Variants in STS observed in about 807,000 individuals in gnomAD.
The protein encoded by STS is steryl-sulfatase.
In STS, 7 loss-of-function variants were observed where a neutral mutation model predicts 26.8. The observed-to-expected ratio is 0.26, with a 90% CI of 0.15 to 0.49. STS has a LOEUF of 0.49. STS is among the 20% of genes least tolerant of loss of function. STS has a pLI of 0.98. For missense variants in STS, 434 were observed against 465.6 expected (o/e 0.93, Z 0.63); for synonymous variants, 199 against 189.4 (o/e 1.05, Z -0.42).
At chrX:7,173,995 C>G (rs1933518171) in intron 1 of STS, among the ~76,000 whole-genome samples, 1 of 111,448 alleles carries the variant, frequency 9.0e-6, no homozygotes, top group Non-Finnish European at 1.9e-5. Flanking sequence ...CAGAGTTTAG[C>G]ATTGTTCAGA....
At chrX:7,324,050 T>G (rs1927225264) in intron 8 of STS, among the ~76,000 whole-genome samples, 1 of 111,617 alleles carries the variant, frequency 9.0e-6, no homozygotes, top group African/African-American at 3.3e-5. Flanking sequence ...TAAGAATATG[T>G]ACCTAAGTTG....
At chrX:7,194,418 A>G (rs1236201227) in intron 2 of STS, among the ~76,000 whole-genome samples, 2 of 111,772 alleles carry the variant, frequency 1.8e-5, no homozygotes, top group Non-Finnish European at 3.8e-5. Context: ...CACCAGCTAC[A>G]TGACTCCTGA....
rs931206122 is a variant in STS, at chrX:7,349,979, C to T, written c.1455C>T (p.Phe485=). The T allele has an allele frequency of 3.3e-6, 4 of 1,211,698 alleles. No homozygotes were observed. Among genetic ancestry groups the T allele is most frequent in the Non-Finnish European group, 4.5e-6 (4 of 895,436 alleles). Residue 485 remains phenylalanine (F), a synonymous_variant, in exon 11 of 11, where the codon TTC becomes TTT. Coordinates refer to ENST00000674429, the MANE Select transcript of STS (RefSeq NM_001320752.2). ...GCFATHVCFC[F]GSYVTHHDPP... ...TTGCCACACACGTGTGCTTCTGTTT[C>T]GGGAGTTATGTCACCCATCACGACC...
intron 1 of STS, among the ~76,000 whole-genome samples, chrX:7,187,074 G>A (rs1205059758): frequency 8.9e-6 from 1 of 111,841 alleles, no homozygotes; most frequent in East Asian, 2.8e-4. Flanking sequence ...CCAGTTTCCA[G>A]AGACAGACTT....
At chrX:7,288,229 G>T (rs1269525020) in intron 7 of STS, among the ~76,000 whole-genome samples, 1 of 104,965 alleles carries the variant, frequency 9.5e-6, no homozygotes, top group African/African-American at 3.5e-5. Context: ...CCTTCATGAT[G>T]TCTGGGGCTT....
chrX:7,320,798 A>T (rs751295661), intron 8 of STS, among the ~76,000 whole-genome samples: 1 of 111,989 alleles, frequency 8.9e-6, no homozygotes, highest in Admixed American at 9.5e-5. Context: ...CCTTCAAGTG[A>T]TGTTGAAAGG....
At chrX:7,151,959 C>T (rs1933021439) in intron 1 of STS, among the ~76,000 whole-genome samples, 1 of 110,966 alleles carries the variant, frequency 9.0e-6, no homozygotes, top group African/African-American at 3.3e-5. Context: ...TTTATTTATT[C>T]GTTTATTTTT....
chrX:7,233,528 G>A lies in STS; in HGVS notation c.-4-19668G>A, dbSNP rs188061221. ...ACGGTTTTTTATAATGGCTGTACTA[G>A]TTTACATTTCCACCTGCGCAGGTCA... On this transcript the variant is annotated intron_variant, in intron 2 of 10. Transcript: ENST00000674429. Among the ~76,000 whole-genome samples, 588 of 111,319 alleles carry A rather than the reference G, an allele frequency of 5.3e-3. 19 individuals carry two copies. The East Asian group carries it at 0.13, about 24-fold the overall frequency.
intron 2 of STS, among the ~76,000 whole-genome samples, chrX:7,246,449 C>G (rs1290643502): frequency 3.3e-5 from 3 of 91,709 alleles, no homozygotes; most frequent in African/African-American, 1.2e-4. Flanking sequence ...TTACAGGTAC[C>G]CGCCACCACA....
Position 7,350,207 on chromosome X carries a change from C to A in STS, c.1683C>A (p.Thr561=). The A allele has an allele frequency of 1.2e-5, 14 of 1,211,446 alleles. No homozygotes were observed. The highest frequency in any genetic ancestry group is 1.6e-5 in the Non-Finnish European group (14 of 895,247). Residue 561 remains threonine, a synonymous_variant, in exon 11 of 11, where the codon ACC becomes ACA. Coordinates refer to ENST00000674429, the MANE Select transcript of STS (RefSeq NM_001320752.2). ...GGCTTCAGCTGTGCTGTCCTTCCAC[C>A]GGCCTGTCTTGCCAGTGTGATAGAG... ...KPWLQLCCPS[T]GLSCQCDREK...
intron 8 of STS, among the ~76,000 whole-genome samples, chrX:7,317,581 G>A (rs1256651895): frequency 9.0e-6 from 1 of 111,214 alleles, no homozygotes; most frequent in African/African-American, 3.3e-5. Context: ...CAATCCTCCT[G>A]CCTCAGCCTC....
intron 3 of STS, among the ~76,000 whole-genome samples, chrX:7,256,771 G>A (rs1463720854): frequency 2.7e-5 from 3 of 111,373 alleles, no homozygotes; most frequent in Non-Finnish European, 3.8e-5. Flanking sequence ...GGACCTTTTG[G>A]GGATGTCCCG....
chrX:7,239,931 C>A (rs1007951565), intron 2 of STS, among the ~76,000 whole-genome samples: 1 of 102,362 alleles, frequency 9.8e-6, no homozygotes. Flanking sequence ...GTCACCCAGG[C>A]TGGAGTGTTG....
At chrX:7,295,695 TCTCGACTAACA>T (rs1486036421) in intron 7 of STS, among the ~76,000 whole-genome samples, 5 of 110,999 alleles carry the variant, frequency 4.5e-5, no homozygotes, top group African/African-American at 1.6e-4. Context: ...GATCTGCTTC[TCTCGACTAACA>T]CTGCAAGTCC....
chrX:7,196,373 G>T (rs1933971856), intron 2 of STS, among the ~76,000 whole-genome samples: 1 of 112,020 alleles, frequency 8.9e-6, no homozygotes, highest in Non-Finnish European at 1.9e-5. Context: ...CTTTACAGAT[G>T]TAAATCTCTC....
chrX:7,230,914 A>G (rs1279277705), intron 2 of STS, among the ~76,000 whole-genome samples: 1 of 112,114 alleles, frequency 8.9e-6, no homozygotes, highest in African/African-American at 3.2e-5. Flanking sequence ...TTATGCCGAT[A>G]TTATCAGGTG....
chrX:7,191,577 G>A (rs1933873018), intron 2 of STS, among the ~76,000 whole-genome samples: 1 of 112,240 alleles, frequency 8.9e-6, no homozygotes, highest in African/African-American at 3.2e-5. Flanking sequence ...CTCCCTGCAG[G>A]AAGAGCTCCT....
intron 1 of STS, among the ~76,000 whole-genome samples, chrX:7,185,283 G>T (rs958433643): frequency 5.3e-5 from 6 of 112,850 alleles, no homozygotes; most frequent in Non-Finnish European, 9.4e-5. Flanking sequence ...ATCTAGGTCA[G>T]GGGTTGCAAA....
chrX:7,174,775 A>G (rs368581825), intron 1 of STS, among the ~76,000 whole-genome samples: 6 of 111,695 alleles, frequency 5.4e-5, no homozygotes, highest in African/African-American at 1.6e-4. Flanking sequence ...ACAAGCAAAC[A>G]AACTGACAGG....
Sources: gnomAD v4.1 joint callset for allele counts (sites outside exome capture counted in the v4.1 genomes callset) on GRCh38, gnomAD v4.1.1 for gene constraint, MANE v1.5 for transcripts, NCBI Gene and HGNC (gene_info 2026-07-23, HGNC 2026-07-21) for gene names.